The following PCDHGA1 variants were observed in gnomAD, a reference collection of about 807,000 sequenced individuals.
The protein encoded by PCDHGA1 is protocadherin gamma-A1.
A neutral mutation model predicts 58.0 loss-of-function variants in PCDHGA1; 32 were observed. The observed-to-expected ratio is 0.55, with a 90% CI of 0.42 to 0.74. PCDHGA1 has a LOEUF of 0.74. PCDHGA1 is among the 30% of genes least tolerant of loss of function. The pLI is 0.00. For missense variants in PCDHGA1, 1,205 were observed against 1,182.3 expected (o/e 1.02, Z -0.28); for synonymous variants, 498 against 501.1 (o/e 0.99, Z 0.08).
At chr5:141,468,140 C>T (rs910524133) in intron 1 of PCDHGA1, among the ~76,000 whole-genome samples, 3 of 151,942 alleles carry the variant, frequency 2.0e-5, no homozygotes, top group African/African-American at 7.2e-5. Flanking sequence ...GCCTGGCCAA[C>T]ATGGTGAAAC....
At chr5:141,404,600 CTG>C (rs2094545529) in intron 1 of PCDHGA1, 2 of 1,613,938 alleles carry the variant, frequency 1.2e-6, no homozygotes, top group Non-Finnish European at 1.7e-6. Context: ...GTCATTGAGA[CTG>C]TTTGTTTTGG....
intron 1 of PCDHGA1, chr5:141,355,912 A>G: frequency 1.2e-6 from 2 of 1,613,756 alleles, no homozygotes; most frequent in South Asian, 1.1e-5. Flanking sequence ...TACCAACGAT[A>G]ATGCTCCCGT....
At position 141,431,438 on chromosome 5, in the gene PCDHGA1, C is replaced by G. The variant is rs773812765; in HGVS notation, c.2422-63369C>G. The G allele has an allele frequency of 3.9e-5, 63 of 1,613,612 alleles. No homozygotes were observed. In the East Asian group the frequency reaches 1.4e-3, roughly 35 times the overall value. ...CGACCCGGTGCGCACAGGCACCGCG[C>G]GCATCCGCGTGATGGTTCTGGATGC... is the stretch of plus-strand genomic sequence containing the variant. On this transcript the variant is annotated intron_variant, in intron 1 of 3. Coordinates refer to ENST00000517417, the MANE Select transcript of PCDHGA1 (RefSeq NM_018912.3). The surrounding 1 kb of genome is among the most constrained non-coding windows in gnomAD (Gnocchi z 4.8).
At chr5:141,475,957 G>A (rs776101269) in intron 1 of PCDHGA1, 148 of 812,416 alleles carry the variant, frequency 1.8e-4, no homozygotes, top group Non-Finnish European at 2.6e-4. Flanking sequence ...CTGCGCCCCG[G>A]GATGAGGCAG....
intron 1 of PCDHGA1, chr5:141,441,529 A>C (rs1042479748): frequency 4.6e-5 from 8 of 172,366 alleles, no homozygotes; most frequent in African/African-American, 1.9e-4. Flanking sequence ...GGCCAAGAAC[A>C]ATCTTCCCAA....
At chr5:141,502,019 G>A (rs1454981730) in intron 2 of PCDHGA1, among the ~76,000 whole-genome samples, 1 of 152,008 alleles carries the variant, frequency 6.6e-6, no homozygotes, top group African/African-American at 2.4e-5. Flanking sequence ...TCTCCTCCCT[G>A]CAACCCCCGC....
At chr5:141,364,765 T>C (rs767363057) in intron 1 of PCDHGA1, 4 of 1,613,970 alleles carry the variant, frequency 2.5e-6, no homozygotes, top group Non-Finnish European at 3.4e-6. Flanking sequence ...TTAATGAAAA[T>C]GCGGCTGCAG....
At chr5:141,366,059 C>A (rs772139031) in intron 1 of PCDHGA1, 2 of 1,614,268 alleles carry the variant, frequency 1.2e-6, no homozygotes, top group Admixed American at 1.7e-5. Flanking sequence ...GGGCGTGGAG[C>A]TGGCGCCTCG....
intron 1 of PCDHGA1, among the ~76,000 whole-genome samples, chr5:141,380,225 C>T (rs1000476704): frequency 6.6e-6 from 1 of 152,124 alleles, no homozygotes; most frequent in Non-Finnish European, 1.5e-5. Context: ...TCTGATCAGG[C>T]TTCTGTTGAG....
intron 1 of PCDHGA1, among the ~76,000 whole-genome samples, chr5:141,448,086 TAA>T (rs558292628): frequency 6.8e-6 from 1 of 146,354 alleles, no homozygotes; most frequent in Middle Eastern, 3.2e-3. Flanking sequence ...AATGCCATCT[TAA>T]AAAAAAAAAA....
chr5:141,434,727 A>C (rs1344107083), intron 1 of PCDHGA1, among the ~76,000 whole-genome samples: 1 of 152,052 alleles, frequency 6.6e-6, no homozygotes. Context: ...CAGGGCTCTC[A>C]GCTCTGAAGG....
chr5:141,383,930 C>T lies in PCDHGA1; in HGVS notation c.2421+50825C>T. 7 of 1,613,800 alleles carry T rather than the reference C, an allele frequency of 4.3e-6. No homozygotes were observed. Among genetic ancestry groups the T allele is most frequent in the Non-Finnish European group, 5.9e-6 (7 of 1,179,786 alleles). ...ACAGTTTTAGATGTAAATGATAATG[C>T]TCCAGAAGTGACTATGACGTCTTTA... On this transcript the variant is annotated intron_variant, in intron 1 of 3. Coordinates refer to ENST00000517417, the MANE Select transcript of PCDHGA1 (RefSeq NM_018912.3).
chr5:141,345,534 CT>C lies in PCDHGA1; in HGVS notation c.2421+12430del, dbSNP rs749828166. ...CGAGGACACTCTCCAGGGGGCGCCC[CT>C]GTCCTCCTTCGTCTCTATCAACTCC... On this transcript the variant is annotated intron_variant, in intron 1 of 3. Transcript: ENST00000517417. The C allele has an allele frequency of 8.1e-6, 13 of 1,614,062 alleles. No homozygotes were observed. In the South Asian group the frequency reaches 1.1e-4, roughly 14 times the overall value.
At chr5:141,467,348 C>T (rs1182432500) in intron 1 of PCDHGA1, among the ~76,000 whole-genome samples, 5 of 152,142 alleles carry the variant, frequency 3.3e-5, no homozygotes, top group African/African-American at 9.7e-5. Context: ...CCACTGCCCC[C>T]GGCCAAATCA....
rs202006594 is a variant in PCDHGA1 at position 141,477,618 on chromosome 5, C to G, written c.2422-17189C>G. On this transcript the variant is annotated intron_variant, in intron 1 of 3. Coordinates refer to ENST00000517417, the MANE Select transcript of PCDHGA1 (RefSeq NM_018912.3). The surrounding 1 kb of genome is among the most constrained non-coding windows in gnomAD (Gnocchi z 4.9). ...TCTTTCTTTCTCTTGGAGCAAGGAGCTGAAACCGGGCTAGTGGGTCGCTAT... is the reference window on the plus strand; with the variant it reads ...TCTTTCTTTCTCTTGGAGCAAGGAGGTGAAACCGGGCTAGTGGGTCGCTAT... 6.2e-7 allele frequency: 1 copy of G among 1,614,176 alleles called. No individual in the cohort carries two copies. Among genetic ancestry groups the G allele is most frequent in the East Asian group, 2.2e-5 (1 of 44,890 alleles).
At chr5:141,503,902 C>T (rs552180745) in intron 2 of PCDHGA1, among the ~76,000 whole-genome samples, 7 of 152,328 alleles carry the variant, frequency 4.6e-5, no homozygotes, top group African/African-American at 1.7e-4. Context: ...AATATGCACA[C>T]ACACAACGCA....
chr5:141,435,951 G>A (rs371199258), intron 1 of PCDHGA1, among the ~76,000 whole-genome samples: 1 of 152,100 alleles, frequency 6.6e-6, no homozygotes, highest in Non-Finnish European at 1.5e-5. Context: ...ACCAAAAAAG[G>A]GGGCAAAATA....
intron 1 of PCDHGA1, chr5:141,385,140 G>T: frequency 1.9e-6 from 3 of 1,614,190 alleles, no homozygotes; most frequent in Non-Finnish European, 2.5e-6. Context: ...ACGGGGTGCA[G>T]GCTTTCCTGC....
intron 1 of PCDHGA1, chr5:141,433,013 AC>A: frequency 6.2e-7 from 1 of 1,614,018 alleles, no homozygotes; most frequent in Non-Finnish European, 8.5e-7. Flanking sequence ...TTTCCTGCAG[AC>A]CTATTCCCAC....
Sources: gnomAD v4.1 joint callset for allele counts (sites outside exome capture counted in the v4.1 genomes callset) on GRCh38, gnomAD v4.1.1 for gene constraint, Gnocchi (gnomAD v3.1) non-coding constraint, MANE v1.5 for transcripts, NCBI Gene and HGNC (gene_info 2026-07-23, HGNC 2026-07-21) for gene names.